The following DMD variants were observed in gnomAD, a reference collection of about 807,000 sequenced individuals.
The protein encoded by DMD is dystrophin.
DMD carries 63 observed loss-of-function variants against 330.1 expected under a neutral mutation model. That is an observed-to-expected ratio of 0.19 (90% CI 0.16 to 0.24). The LOEUF (loss-of-function observed/expected upper bound fraction) is 0.24. Ranked by LOEUF, DMD falls within the 10% of genes least tolerant of loss-of-function variation. The pLI is 1.00. For missense variants in DMD, 3,344 were observed against 2,684.1 expected (o/e 1.25, Z -5.43); for synonymous variants, 1,223 against 959.8 (o/e 1.27, Z -5.07).
At chrX:31,644,392 T>A (rs779502389) in intron 54 of DMD, among the ~76,000 whole-genome samples, 2 of 111,686 alleles carry the variant, frequency 1.8e-5, no homozygotes, top group South Asian at 7.5e-4. Context: ...ATACAAGAAT[T>A]TCTGTGTCAG....
chrX:31,331,934 C>A (rs1429038856), intron 61 of DMD, among the ~76,000 whole-genome samples: 3 of 111,633 alleles, frequency 2.7e-5, no homozygotes, highest in Admixed American at 9.5e-5. Flanking sequence ...CATTAGAAAG[C>A]GAGAAGAGTG....
At chrX:32,809,757 A>C (rs1444741702) in intron 6 of DMD, 146 bp from the exon 7 acceptor site, 13 of 482,415 alleles carry the variant, frequency 2.7e-5, no homozygotes, top group Non-Finnish European at 4.3e-5. Context: ...TTACCCTTTA[A>C]AATATTTCTA....
intron 55 of DMD, among the ~76,000 whole-genome samples, chrX:31,604,841 G>A (rs568637276): frequency 2.7e-5 from 3 of 111,457 alleles, no homozygotes; most frequent in African/African-American, 6.5e-5. Flanking sequence ...GTGCTTATAG[G>A]TATTCATCAA....
At chrX:33,048,962 A>G (rs2094424470) in intron 1 of DMD, among the ~76,000 whole-genome samples, 1 of 110,935 alleles carries the variant, frequency 9.0e-6, no homozygotes. Context: ...GGGCCAGTGT[A>G]TTCACTCAAT....
chrX:32,316,074 T>C (rs944351621), intron 41 of DMD, among the ~76,000 whole-genome samples: 2 of 111,513 alleles, frequency 1.8e-5, no homozygotes, highest in Non-Finnish European at 3.8e-5. Flanking sequence ...AATGCTCTAA[T>C]AATATGCATA....
intron 44 of DMD, among the ~76,000 whole-genome samples, chrX:32,096,448 C>T (rs779369916): frequency 6.3e-5 from 7 of 110,826 alleles, no homozygotes; most frequent in Non-Finnish European, 9.4e-5. Context: ...ATTTGAATAA[C>T]GTAAGAATTA....
chrX:31,612,287 T>C (rs2077967041), intron 55 of DMD, among the ~76,000 whole-genome samples: 1 of 112,075 alleles, frequency 8.9e-6, no homozygotes, highest in African/African-American at 3.2e-5. Flanking sequence ...GATTCACCCA[T>C]ATTAGCTCAT....
chrX:33,326,331 C>T (rs1408527776), intron 1 of DMD, among the ~76,000 whole-genome samples: 1 of 110,873 alleles, frequency 9.0e-6, no homozygotes, highest in East Asian at 2.8e-4. Flanking sequence ...CTGAAAAGTA[C>T]ATCACAGCAA....
chrX:32,375,308 T>C (rs985330374), intron 34 of DMD, among the ~76,000 whole-genome samples: 2 of 112,466 alleles, frequency 1.8e-5, no homozygotes, highest in South Asian at 7.3e-4. Context: ...GGAATTAATC[T>C]GCTAGGTTCC....
chrX:32,596,394 T>C (rs1024651138), intron 12 of DMD, among the ~76,000 whole-genome samples: 3 of 111,303 alleles, frequency 2.7e-5, no homozygotes, highest in Non-Finnish European at 3.8e-5. Flanking sequence ...ATATCTTTTG[T>C]AAAGGACACC....
chrX:31,710,851 A>C (rs1013581252), intron 52 of DMD, among the ~76,000 whole-genome samples: 8 of 111,391 alleles, frequency 7.2e-5, no homozygotes, highest in Non-Finnish European at 1.3e-4. Flanking sequence ...AACTCTATCA[A>C]TGACCTCTTT....
At chrX:32,274,965 G>A (rs1363662735) in intron 43 of DMD, among the ~76,000 whole-genome samples, 1 of 111,765 alleles carries the variant, frequency 8.9e-6, no homozygotes, top group South Asian at 3.8e-4. Context: ...GGCATCAATA[G>A]TCAAATCACA....
intron 11 of DMD, among the ~76,000 whole-genome samples, chrX:32,635,237 G>C (rs1168098156): frequency 9.0e-6 from 1 of 111,524 alleles, no homozygotes; most frequent in Admixed American, 9.5e-5. Context: ...AGCTGGTATA[G>C]GTGATAGAAT....
rs768883964 is a variant in DMD, at chrX:31,511,237, CATAAT to C, written c.8218-3789_8218-3785del. ...CAGGCTGCAAGGAATATACATTATA[CATAAT>C]ATAATATAATATAATATAACATAAC... is the stretch of plus-strand genomic sequence containing the variant. On this transcript the variant is annotated intron_variant, in intron 55 of 78. Coordinates refer to ENST00000357033, the MANE Select transcript of DMD (RefSeq NM_004006.3). Among the ~76,000 whole-genome samples the C allele has an allele frequency of 8.5e-5, 9 of 106,265 alleles. No individual in the cohort carries two copies. In the East Asian group the frequency reaches 1.5e-3, roughly 17 times the overall value. The allele number at this position is 106,265 out of a possible 115,157, so 92.3% of individuals were successfully genotyped here. A position where few individuals can be genotyped will look rare whatever the true frequency, so the allele number is the denominator to read the frequency against.
chrX:32,096,238 G>GT (rs2096505172), intron 44 of DMD, among the ~76,000 whole-genome samples: 1 of 111,827 alleles, frequency 8.9e-6, no homozygotes, highest in African/African-American at 3.3e-5. Context: ...TTTCACAAAT[G>GT]TAACACGCCC....
At chrX:31,610,407 T>C (rs770823184) in intron 55 of DMD, among the ~76,000 whole-genome samples, 2 of 111,545 alleles carry the variant, frequency 1.8e-5, no homozygotes, top group Non-Finnish European at 3.8e-5. Flanking sequence ...GATACTTAGA[T>C]AATCTATTCA....
rs1007074663 is a variant in DMD, at chrX:32,849,328, A to T, written c.186+400T>A. Among the ~76,000 whole-genome samples the T allele has an allele frequency of 2.7e-5, 3 of 111,762 alleles. No individual in the cohort carries two copies. The East Asian group carries it at 8.5e-4, about 32-fold the overall frequency. Reference sequence around the variant, plus strand: ...ATTTTCATCACATATGCTATCACGTATTACACTATAATGCCTGTACCTTAT... The same window carrying T: ...ATTTTCATCACATATGCTATCACGTTTTACACTATAATGCCTGTACCTTAT... On this transcript the variant is annotated intron_variant, in intron 3 of 78. Transcript: ENST00000357033.
intron 52 of DMD, among the ~76,000 whole-genome samples, chrX:31,698,633 G>A (rs1335138744): frequency 8.9e-6 from 1 of 112,239 alleles, no homozygotes; most frequent in African/African-American, 3.2e-5. Flanking sequence ...CTTTGCAAAA[G>A]AAGTTTCAAC....
intron 44 of DMD, among the ~76,000 whole-genome samples, chrX:32,083,759 C>T (rs994058349): frequency 8.9e-6 from 1 of 112,396 alleles, no homozygotes; most frequent in Admixed American, 9.4e-5. Context: ...GGAGATCAAC[C>T]ATTGAAAATT....
Sources: allele counts gnomAD v4.1 joint callset (sites outside exome capture counted in the v4.1 genomes callset), GRCh38; gene constraint gnomAD v4.1.1; transcripts MANE v1.5; gene names NCBI Gene and HGNC (gene_info 2026-07-23, HGNC 2026-07-21).